Variants in AGBL4 observed in about 807,000 individuals in gnomAD.
AGBL4 encodes the protein cytosolic carboxypeptidase 6.
In AGBL4, 58 loss-of-function variants were observed where a neutral mutation model predicts 66.4. The ratio of observed to expected loss-of-function variants is 0.87; its 90% CI spans 0.71 to 1.09. The LOEUF is 1.09. Among genes scored for constraint, AGBL4 ranks in the 50% least tolerant of loss-of-function variants. AGBL4 has a pLI of 0.00. For synonymous variants in AGBL4, 234 were observed against 222.9 expected, an observed-to-expected ratio of 1.05 and a Z score of -0.44; for missense variants, 579 against 631.0, an observed-to-expected ratio of 0.92 and a Z score of 0.88.
chr1:49,046,242 A>C (rs978518436), intron 4 of AGBL4, among the ~76,000 whole-genome samples: 1 of 152,216 alleles, frequency 6.6e-6, no homozygotes, highest in African/African-American at 2.4e-5. Context: ...TTGAAGGTAA[A>C]TAAAGACTGT....
intron 6 of AGBL4, among the ~76,000 whole-genome samples, chr1:48,734,166 T>C (rs1027660263): frequency 6.6e-6 from 1 of 152,098 alleles, no homozygotes; most frequent in Non-Finnish European, 1.5e-5. Flanking sequence ...TATCCAAAAA[T>C]AAGCGGCTGC....
chr1:49,437,890 T>TTG lies in AGBL4; in HGVS notation c.283-192027_283-192026insCA, dbSNP rs557335146. Among the ~76,000 whole-genome samples, 18 of 152,314 alleles carry TTG rather than the reference T, an allele frequency of 1.2e-4. 1 individual carries two copies. The South Asian group carries it at 3.7e-3, about 32-fold the overall frequency. On this transcript the variant is annotated intron_variant, in intron 3 of 13. Coordinates refer to ENST00000371839, the MANE Select transcript of AGBL4 (RefSeq NM_032785.4). ...GGTTAATCTTAAGTCTGCTGAGTGC[T>TTG]TAAACAGTATATCTTATATTTACTT... is the stretch of plus-strand genomic sequence containing the variant.
chr1:49,673,695 G>C (rs1249069638), intron 3 of AGBL4, among the ~76,000 whole-genome samples: 1 of 152,072 alleles, frequency 6.6e-6, no homozygotes, highest in Non-Finnish European at 1.5e-5. Flanking sequence ...TATTTACAGA[G>C]CACTTAGTTT....
rs1648387026 is a variant in AGBL4 at position 49,208,120 on chromosome 1, T to C, written c.377+37650A>G. Among the ~76,000 whole-genome samples the C allele has an allele frequency of 4.6e-5, 7 of 152,084 alleles. 1 individual carries two copies. The South Asian group carries it at 1.5e-3, about 32-fold the overall frequency. ...CTTACAACTATCATATGCCTATGAG[T>C]TAGTTATGGTGTTAACTCAGTTTTA... is the stretch of plus-strand genomic sequence containing the variant. On this transcript the variant is annotated intron_variant, in intron 4 of 13. Coordinates refer to ENST00000371839, the MANE Select transcript of AGBL4 (RefSeq NM_032785.4).
Position 49,371,262 on chromosome 1 carries a change from TAC to T in AGBL4, c.283-125400_283-125399del, listed in dbSNP as rs1375032653. 8.0e-4 allele frequency among the ~76,000 whole-genome samples: 122 copies of T among 151,772 alleles called. 1 individual carries two copies. The highest frequency in any genetic ancestry group is 2.9e-3 in the African/African-American group (118 of 41,328). On this transcript the variant is annotated intron_variant, in intron 3 of 13. Transcript: ENST00000371839. ...ATAGATAGATAGATACATACATACA[TAC>T]ATACATACATACATACATACATACA...
intron 3 of AGBL4, among the ~76,000 whole-genome samples, chr1:49,673,821 CT>C (rs1192781138): frequency 6.6e-6 from 1 of 151,832 alleles, no homozygotes; most frequent in African/African-American, 2.4e-5. Flanking sequence ...TAATCACAAT[CT>C]AGTGTGCTGA....
intron 6 of AGBL4, among the ~76,000 whole-genome samples, chr1:48,730,547 C>T (rs1352662515): frequency 6.6e-6 from 1 of 152,018 alleles, no homozygotes; most frequent in East Asian, 1.9e-4. Flanking sequence ...CCTTGGAGCC[C>T]CTAGCATTAG....
chr1:49,722,584 T>C (rs1263220579), intron 2 of AGBL4, among the ~76,000 whole-genome samples: 1 of 152,126 alleles, frequency 6.6e-6, no homozygotes, highest in African/African-American at 2.4e-5. Context: ...ATTTGAAGGT[T>C]GAGGGACATT....
At chr1:49,429,484 A>C (rs560954033) in intron 3 of AGBL4, among the ~76,000 whole-genome samples, 70 of 152,264 alleles carry the variant, frequency 4.6e-4, no homozygotes, top group African/African-American at 1.2e-3. Context: ...ATCTACCCTT[A>C]TTTCTTCAAA....
At chr1:48,693,932 A>T (rs1175778066) in intron 6 of AGBL4, among the ~76,000 whole-genome samples, 2 of 150,528 alleles carry the variant, frequency 1.3e-5, no homozygotes, top group Non-Finnish European at 2.9e-5. Context: ...TCTGAGTCTG[A>T]CTTACCCTGA....
At chr1:49,846,106 G>A in intron 2 of AGBL4, 1 of 1,521,978 alleles carries the variant, frequency 6.6e-7, no homozygotes, top group Non-Finnish European at 9.1e-7. Context: ...AGTGTAGCCA[G>A]AGCTCCCTTC....
chr1:48,907,968 A>AGT (rs376198253), intron 5 of AGBL4, among the ~76,000 whole-genome samples: 7 of 151,998 alleles, frequency 4.6e-5, no homozygotes, highest in African/African-American at 1.7e-4. Flanking sequence ...ACAGTATGTG[A>AGT]GTGTGTGTGT....
At chr1:48,861,018 T>C (rs1408238686) in intron 6 of AGBL4, among the ~76,000 whole-genome samples, 1 of 152,000 alleles carries the variant, frequency 6.6e-6, no homozygotes, top group African/African-American at 2.4e-5. Flanking sequence ...ACATTAAAAC[T>C]GAACAAGAAA....
At chr1:49,818,335 T>C (rs1354956026) in intron 2 of AGBL4, among the ~76,000 whole-genome samples, 1 of 151,478 alleles carries the variant, frequency 6.6e-6, no homozygotes, top group Non-Finnish European at 1.5e-5. Context: ...GGGTTTTTTT[T>C]AGTTTCTTGC....
rs888338909 is a variant in AGBL4, at chr1:49,859,914, G to A, written c.35-8396C>T. 2.0e-5 allele frequency among the ~76,000 whole-genome samples: 3 copies of A among 151,966 alleles called. No individual in the cohort carries two copies. The East Asian group carries it at 5.8e-4, about 29-fold the overall frequency. On this transcript the variant is annotated intron_variant, in intron 1 of 13. Coordinates refer to ENST00000371839, the MANE Select transcript of AGBL4 (RefSeq NM_032785.4). ...ATTAAAGGACAAAAAGTCAATAGAA[G>A]AAATCAATCATATCTCTATATAATT... is the stretch of plus-strand genomic sequence containing the variant.
rs1398703657 is a variant in AGBL4 at position 49,906,022 on chromosome 1, A to C, written c.35-54504T>G. 2.0e-5 allele frequency among the ~76,000 whole-genome samples: 3 copies of C among 151,946 alleles called. No individual in the cohort carries two copies. The East Asian group carries it at 5.8e-4, about 29-fold the overall frequency. ...ATAATAATTAACTAAGATAATGTAT[A>C]TAATGTATTGAGCAGATTATGTAGC... On this transcript the variant is annotated intron_variant, in intron 1 of 13. Transcript: ENST00000371839.
intron 3 of AGBL4, among the ~76,000 whole-genome samples, chr1:49,458,618 C>G (rs1230236894): frequency 6.6e-6 from 1 of 151,740 alleles, no homozygotes; most frequent in African/African-American, 2.4e-5. Context: ...AGTGGGCATC[C>G]TTGTCTTGTT....
intron 3 of AGBL4, among the ~76,000 whole-genome samples, chr1:49,460,017 T>C (rs1416982756): frequency 2.0e-5 from 3 of 151,706 alleles, no homozygotes; most frequent in Non-Finnish European, 4.4e-5. Context: ...TTACTGAGAC[T>C]TGTTTTGTGC....
chr1:49,009,795 A>T (rs1246270019), intron 5 of AGBL4, among the ~76,000 whole-genome samples: 1 of 152,102 alleles, frequency 6.6e-6, no homozygotes, highest in Non-Finnish European at 1.5e-5. Context: ...TTATCTCAAT[A>T]GATGCAGAAA....
Sources: gnomAD v4.1 joint callset for allele counts (sites outside exome capture counted in the v4.1 genomes callset) on GRCh38, gnomAD v4.1.1 for gene constraint, MANE v1.5 for transcripts, NCBI Gene and HGNC (gene_info 2026-07-23, HGNC 2026-07-21) for gene names.